Variants in TRPM2 observed in about 807,000 individuals in gnomAD.
TRPM2 encodes the protein estrogen-responsive element-associated gene 1 protein.
TRPM2 carries 161 observed loss-of-function variants against 174.0 expected under a neutral mutation model. The observed-to-expected ratio is 0.93, with a 90% CI of 0.81 to 1.05. TRPM2 has a LOEUF of 1.05. TRPM2 is among the 50% of genes least tolerant of loss of function. TRPM2 has a pLI of 0.00. For missense variants in TRPM2, 2,057 were observed against 2,038.0 expected, an observed-to-expected ratio of 1.01 and a Z score of -0.18; for synonymous variants, 954 against 861.3, an observed-to-expected ratio of 1.11 and a Z score of -1.88.
At chr21:44,361,907 C>T (rs1450911354) in intron 2 of TRPM2, among the ~76,000 whole-genome samples, 1 of 152,166 alleles carries the variant, frequency 6.6e-6, no homozygotes, top group Non-Finnish European at 1.5e-5. Context: ...CAAGGTTTGG[C>T]CATGTTGGCC....
intron 11 of TRPM2, among the ~76,000 whole-genome samples, chr21:44,393,455 T>A (rs1014569366): frequency 2.0e-5 from 3 of 152,220 alleles, no homozygotes; most frequent in African/African-American, 7.2e-5. Context: ...ATTTTCAGGA[T>A]GTTTGCATCA....
intron 2 of TRPM2, among the ~76,000 whole-genome samples, chr21:44,362,543 A>G (rs2048246215): frequency 1.3e-5 from 2 of 151,758 alleles, no homozygotes; most frequent in African/African-American, 4.8e-5. Context: ...AAAGAAAACC[A>G]TGTCAGATAG....
intron 5 of TRPM2, among the ~76,000 whole-genome samples, chr21:44,372,722 C>A (rs1035083853): frequency 2.6e-5 from 4 of 152,132 alleles, no homozygotes; most frequent in African/African-American, 9.7e-5. Context: ...TGGGGGAACA[C>A]GGGAGGAACG....
chr21:44,355,718 G>A (rs1204736087), intron 2 of TRPM2, among the ~76,000 whole-genome samples: 3 of 152,070 alleles, frequency 2.0e-5, no homozygotes, highest in African/African-American at 4.8e-5. Context: ...AATATGGGGA[G>A]GGAGAAGCAT....
rs537338806 is a variant in TRPM2 at position 44,367,831 on chromosome 21, C to T, written c.604+897C>T. 1.4e-4 allele frequency among the ~76,000 whole-genome samples: 22 copies of T among 152,338 alleles called. No individual in the cohort carries two copies. The highest frequency in any genetic ancestry group is 4.8e-4 in the African/African-American group (20 of 41,580). On this transcript the variant is annotated intron_variant, in intron 4 of 31. Transcript: ENST00000397928. This position sits in a 1 kb window ranked among gnomAD's most constrained non-coding sequence, Gnocchi z 4.6. ...TGGTGAGCGTGAGGCACGGCTGCATCTTTTGACCTGTGAGTCCCACAGCCC... is the reference window on the plus strand; with the variant it reads ...TGGTGAGCGTGAGGCACGGCTGCATTTTTTGACCTGTGAGTCCCACAGCCC...
intron 30 of TRPM2, 109 bp from the exon 31 acceptor site, chr21:44,440,680 T>G: frequency 3.3e-6 from 3 of 917,386 alleles, no homozygotes; most frequent in Non-Finnish European, 5.3e-6. Flanking sequence ...GGGTCCTGTG[T>G]GTGCTGGAAG....
chr21:44,391,762 C>T lies in TRPM2; in HGVS notation c.1794+137C>T. ...GCTCTATCTTAGGCTGCTTGGGCTGCTGTAACAAAATTCCACAGATGGGGC... is the reference window on the plus strand; with the variant it reads ...GCTCTATCTTAGGCTGCTTGGGCTGTTGTAACAAAATTCCACAGATGGGGC... On this transcript the variant is annotated intron_variant, in intron 11 of 31. Transcript: ENST00000397928. This position sits in a 1 kb window ranked among gnomAD's most constrained non-coding sequence, Gnocchi z 5.0. 1.2e-6 allele frequency: 1 copy of T among 866,698 alleles called. No homozygotes were observed. Among genetic ancestry groups the T allele is most frequent in the Non-Finnish European group, 1.7e-6 (1 of 591,576 alleles). The allele number at this position is 866,698 out of a possible 1,614,324, so 53.7% of individuals were successfully genotyped here.
intron 16 of TRPM2, among the ~76,000 whole-genome samples, chr21:44,403,920 T>C (rs115800206): frequency 4.0e-5 from 6 of 149,954 alleles, no homozygotes; most frequent in Non-Finnish European, 5.9e-5. Context: ...CATACACACA[T>C]ACACATGTAC....
chr21:44,441,969 G>A lies in TRPM2; in HGVS notation c.*152G>A. ...CCAGTGCCCCTCACGGCTGCCGCAAGTCTGCTGCAGATGACCTCATGAACT... is the reference window on the plus strand; with the variant it reads ...CCAGTGCCCCTCACGGCTGCCGCAAATCTGCTGCAGATGACCTCATGAACT... On this transcript the variant is annotated 3_prime_UTR_variant, in exon 32 of 32. Transcript: ENST00000397928. The A allele has an allele frequency of 9.5e-6, 11 of 1,160,502 alleles. No individual in the cohort carries two copies. The highest frequency in any genetic ancestry group is 1.1e-5 in the Non-Finnish European group (10 of 878,580). 71.9% of individuals were successfully genotyped at this position (1,160,502 alleles called of 1,614,324 possible). A position where few individuals can be genotyped will look rare whatever the true frequency, so the allele number is the denominator to read the frequency against.
Position 44,354,605 on chromosome 21 carries a change from T to C in TRPM2, c.166-43T>C. ...TGTCTCCAGGGGGCTGGGTGTGCTC[T>C]TTCGAATGTTGGAAGATCTCAGTGT... is the stretch of plus-strand genomic sequence containing the variant. On this transcript the variant is annotated intron_variant, in intron 1 of 31. Coordinates refer to ENST00000397928, the MANE Select transcript of TRPM2 (RefSeq NM_003307.4). This position sits in a 1 kb window ranked among gnomAD's most constrained non-coding sequence, Gnocchi z 4.3. 6.3e-7 allele frequency: 1 copy of C among 1,575,774 alleles called. No homozygotes were observed. The highest frequency in any genetic ancestry group is 8.7e-7 in the Non-Finnish European group (1 of 1,145,078).
Position 44,418,102 on chromosome 21 carries a change from C to A in TRPM2, c.3322C>A (p.Gln1108Lys), listed in dbSNP as rs1294289136. 6.2e-6 allele frequency: 10 copies of A among 1,610,780 alleles called. No homozygotes were observed. Among genetic ancestry groups the A allele is most frequent in the Admixed American group, 1.7e-5 (1 of 59,930 alleles). The change falls in exon 21 of 32, where the codon CAG becomes AAG. Residue 1108 changes from glutamine to lysine, a missense_variant. Gln to Lys is a moderately conservative substitution (Grantham distance 53). Coordinates refer to ENST00000397928, the MANE Select transcript of TRPM2 (RefSeq NM_003307.4). The stretch of plus-strand genomic sequence containing the variant: ...GAAGACTCCGGCCAAGAGGCACAAG[C>A]AGCTCAGTATGCCAGCCCCAGTGCC... The part of the protein sequence containing the change: ...VLKTPAKRHK[Q>K]LKNKLEKNEE...
At chr21:44,412,939 G>A (rs2050151483) in intron 19 of TRPM2, among the ~76,000 whole-genome samples, 1 of 151,854 alleles carries the variant, frequency 6.6e-6, no homozygotes, top group South Asian at 2.1e-4. Flanking sequence ...GCTCATTGTT[G>A]AACAATTTTA....
At chr21:44,437,366 C>T (rs1268878001) in intron 29 of TRPM2, among the ~76,000 whole-genome samples, 199 bp downstream of exon 29, 2 of 152,198 alleles carry the variant, frequency 1.3e-5, no homozygotes, top group Non-Finnish European at 2.9e-5. Context: ...GTTAGGAAAA[C>T]CCAGGATCAG....
chr21:44,441,061 G>C (rs1157626992), intron 31 of TRPM2, among the ~76,000 whole-genome samples, 156 bp downstream of exon 31: 2 of 152,166 alleles, frequency 1.3e-5, no homozygotes, highest in Non-Finnish European at 2.9e-5. Flanking sequence ...GCGGGGACCG[G>C]GGTCTGGATT....
At chr21:44,362,491 T>C (rs2048244064) in intron 2 of TRPM2, among the ~76,000 whole-genome samples, 3 of 150,500 alleles carry the variant, frequency 2.0e-5, no homozygotes, top group Admixed American at 6.6e-5. Context: ...CTAGCCTGGG[T>C]GACAGAGCGA....
In TRPM2 at chr21:44,441,714, G is replaced by C. The variant is rs1275296317; in HGVS notation, c.4409G>C (p.Gly1470Ala). Residue 1470 changes from glycine to alanine, a missense_variant, in exon 32 of 32, where the codon GGG becomes GCG. By Grantham distance (60) the Gly-to-Ala change is moderately conservative (BLOSUM62 0). Coordinates refer to ENST00000397928, the MANE Select transcript of TRPM2 (RefSeq NM_003307.4). ...CAGAACCTGCACGCCTGCGACTCGGGGGCCTCCATCCGATGGCAGGTGGTG... is the reference window on the plus strand; with the variant it reads ...CAGAACCTGCACGCCTGCGACTCGGCGGCCTCCATCCGATGGCAGGTGGTG... ...LNSNLHACDS[G>A]ASIRWQVVDR... 1.9e-6 allele frequency: 3 copies of C among 1,611,588 alleles called. No individual in the cohort carries two copies. The highest frequency in any genetic ancestry group is 2.5e-6 in the Non-Finnish European group (3 of 1,179,066).
intron 5 of TRPM2, among the ~76,000 whole-genome samples, chr21:44,374,615 C>T (rs183067262): frequency 2.0e-5 from 3 of 152,202 alleles, no homozygotes; most frequent in South Asian, 4.1e-4. Flanking sequence ...ATTAGATTTT[C>T]GTAAGGGGAG....
intron 24 of TRPM2, 71 bp downstream of exon 24, chr21:44,425,010 G>A (rs961638998): frequency 2.2e-6 from 3 of 1,394,546 alleles, no homozygotes; most frequent in Non-Finnish European, 2.9e-6. Flanking sequence ...TCAGTTGGGA[G>A]GAGAGGCAGC....
At position 44,406,634 on chromosome 21, in the gene TRPM2, G is replaced by A. The variant is rs1421917889; in HGVS notation, c.2831G>A (p.Trp944Ter). The A allele has an allele frequency of 1.2e-6, 2 of 1,610,844 alleles. No homozygotes were observed. Among genetic ancestry groups the A allele is most frequent in the Admixed American group, 1.7e-5 (1 of 59,758 alleles). ...TTCTTCCTCTTCCTGCTGGCTGTGT[G>A]GGTGGTGTCCTTCGGGGTGGCCAAG... ...VFFFLFLLAVWVVSFGVAKQA... is the reference protein window; with the variant it reads ...VFFFLFLLAV The change falls in exon 19 of 32, where the codon TGG (tryptophan) becomes TAG (stop). Residue 944 changes from tryptophan (W) to a stop codon, truncating the protein, a stop_gained. Transcript: ENST00000397928. LOFTEE classifies it high-confidence loss of function.
Sources: allele counts gnomAD v4.1 joint callset (sites outside exome capture counted in the v4.1 genomes callset), GRCh38; gene constraint gnomAD v4.1.1; non-coding constraint Gnocchi (gnomAD v3.1); transcripts MANE v1.5; gene names NCBI Gene and HGNC (gene_info 2026-07-23, HGNC 2026-07-21).